The following GPC6 variants were observed in gnomAD, a reference collection of about 807,000 sequenced individuals.
GPC6 encodes the protein glypican 6, also known as glypican-6.
In GPC6, 14 loss-of-function variants were observed where a neutral mutation model predicts 55.2. That is an observed-to-expected ratio of 0.25 (90% CI 0.17 to 0.40). The LOEUF (loss-of-function observed/expected upper bound fraction) is 0.40, where lower values mean the gene tolerates loss of function less well. Among genes scored for constraint, GPC6 ranks in the 10% least tolerant of loss-of-function variants. The pLI, the probability that GPC6 is intolerant of heterozygous loss-of-function variation, is 1.00. For missense variants in GPC6, 641 were observed against 708.5 expected (o/e 0.90, Z 1.08); for synonymous variants, 278 against 259.6 (o/e 1.07, Z -0.68).
intron 2 of GPC6, among the ~76,000 whole-genome samples, chr13:93,693,535 A>G (rs918615812): frequency 1.3e-5 from 2 of 149,988 alleles, no homozygotes; most frequent in Non-Finnish European, 3.0e-5. Flanking sequence ...TTGCCCATGC[A>G]GTGGCATGAT....
intron 4 of GPC6, chr13:94,188,131 T>A (rs893584560): frequency 3.3e-5 from 5 of 152,172 alleles, no homozygotes; most frequent in Admixed American, 1.3e-4. Flanking sequence ...CAGAGAAAAG[T>A]ATGAATATTA....
intron 2 of GPC6, among the ~76,000 whole-genome samples, chr13:93,802,617 T>C (rs180910130): frequency 4.4e-4 from 67 of 152,150 alleles, no homozygotes; most frequent in Non-Finnish European, 8.7e-4. Context: ...ATTGCCCAAG[T>C]TGGTCTTGAA....
At chr13:93,747,068 A>G (rs1355997764) in intron 2 of GPC6, among the ~76,000 whole-genome samples, 1 of 152,228 alleles carries the variant, frequency 6.6e-6, no homozygotes, top group African/African-American at 2.4e-5. Context: ...ACACTGATGA[A>G]GAAGATATTC....
Position 93,902,595 on chromosome 13 carries a change from G to A in GPC6, c.711+72050G>A, listed in dbSNP as rs568429860. On this transcript the variant is annotated intron_variant, in intron 3 of 8. Transcript: ENST00000377047. Reference sequence around the variant, plus strand: ...CAGTAGTGAGATTGCTGGATCATACGGTAATTCTGTTTTTAATTTTTTGAG... The same window carrying A: ...CAGTAGTGAGATTGCTGGATCATACAGTAATTCTGTTTTTAATTTTTTGAG... Among the ~76,000 whole-genome samples, 11 of 152,116 alleles carry A rather than the reference G, an allele frequency of 7.2e-5. No homozygotes were observed. In the South Asian group the frequency reaches 1.7e-3, roughly 23 times the overall value.
chr13:94,272,291 A>G (rs2139065479), intron 4 of GPC6, among the ~76,000 whole-genome samples: 1 of 152,092 alleles, frequency 6.6e-6, no homozygotes, highest in Middle Eastern at 3.4e-3. Context: ...TACTACAGGA[A>G]CAAATGGTCT....
chr13:94,312,275 T>C (rs1381909369), intron 6 of GPC6, among the ~76,000 whole-genome samples: 1 of 152,218 alleles, frequency 6.6e-6, no homozygotes, highest in East Asian at 1.9e-4. Context: ...TTGTTAATAT[T>C]ATTACATACA....
intron 2 of GPC6, among the ~76,000 whole-genome samples, chr13:93,662,058 A>C (rs1234413821): frequency 6.6e-6 from 1 of 152,088 alleles, no homozygotes; most frequent in African/African-American, 2.4e-5. Flanking sequence ...TATTCTCCCT[A>C]CTAGCATGAA....
At chr13:94,284,674 TCA>T (rs1307539143) in intron 4 of GPC6, among the ~76,000 whole-genome samples, 1 of 152,172 alleles carries the variant, frequency 6.6e-6, no homozygotes, top group Non-Finnish European at 1.5e-5. Context: ...TCTAGATGTT[TCA>T]CACACAATTT....
intron 4 of GPC6, among the ~76,000 whole-genome samples, chr13:94,268,536 T>G (rs958086228): frequency 1.2e-4 from 19 of 152,184 alleles, no homozygotes; most frequent in Non-Finnish European, 2.5e-4. Context: ...AAAAATAACC[T>G]TACCTAAGTC....
At chr13:93,449,554 C>T (rs1233574141) in intron 1 of GPC6, among the ~76,000 whole-genome samples, 5 of 152,286 alleles carry the variant, frequency 3.3e-5, no homozygotes, top group South Asian at 2.1e-4. Flanking sequence ...GTAGGCCGGG[C>T]GCGGTGCTCA....
chr13:93,830,463 A>G lies in GPC6; in HGVS notation c.629A>G (p.Gln210Arg), dbSNP rs778727879. The G allele has an allele frequency of 6.8e-6, 11 of 1,613,800 alleles. No homozygotes were observed. Among genetic ancestry groups the G allele is most frequent in the Non-Finnish European group, 9.3e-6 (11 of 1,179,722 alleles). Residue 210 changes from glutamine to arginine, a missense_variant, in exon 3 of 9, where the codon CAG becomes CGG. Physicochemically the swap from Gln to Arg is conservative, Grantham distance 43 (BLOSUM62 1). Transcript: ENST00000377047. Reference protein sequence around the residue: ...FGDVPRKLKIQVTRAFIAART... With the variant: ...FGDVPRKLKIRVTRAFIAART... ...GACGTGCCCCGGAAACTGAAGATTC[A>G]GGTTACCCGCGCCTTCATTGCTGCC...
intron 6 of GPC6, among the ~76,000 whole-genome samples, chr13:94,378,345 G>C (rs550109719): frequency 1.3e-5 from 2 of 151,990 alleles, no homozygotes; most frequent in Non-Finnish European, 2.9e-5. Flanking sequence ...TGAAATATTT[G>C]GAGCAAGATT....
chr13:93,727,654 T>G (rs2138831819), intron 2 of GPC6, among the ~76,000 whole-genome samples: 1 of 152,196 alleles, frequency 6.6e-6, no homozygotes, highest in Admixed American at 6.5e-5. Context: ...CACAAACTGG[T>G]TTGTGCATAG....
intron 2 of GPC6, among the ~76,000 whole-genome samples, chr13:93,633,364 G>A (rs774885833): frequency 6.6e-6 from 1 of 152,052 alleles, no homozygotes; most frequent in Non-Finnish European, 1.5e-5. Context: ...AAATAACTGC[G>A]GCCAGGCGCA....
chr13:93,922,682 T>C (rs548102637), intron 3 of GPC6, among the ~76,000 whole-genome samples: 1 of 152,300 alleles, frequency 6.6e-6, no homozygotes, highest in African/African-American at 2.4e-5. Flanking sequence ...AAGATACATA[T>C]GGCTAAAATG....
chr13:93,522,396 T>G (rs1315665761), intron 1 of GPC6, among the ~76,000 whole-genome samples: 4 of 151,990 alleles, frequency 2.6e-5, no homozygotes, highest in Non-Finnish European at 5.9e-5. Flanking sequence ...TTTTTGTGGT[T>G]TTTTGAATTC....
At chr13:94,014,753 C>G (rs538537709) in intron 3 of GPC6, among the ~76,000 whole-genome samples, 1 of 152,250 alleles carries the variant, frequency 6.6e-6, no homozygotes, top group Admixed American at 6.5e-5. Context: ...ATGGATTTGC[C>G]TATTCTGGAC....
At chr13:93,975,375 A>G (rs1880469459) in intron 3 of GPC6, among the ~76,000 whole-genome samples, 1 of 152,072 alleles carries the variant, frequency 6.6e-6, no homozygotes, top group Non-Finnish European at 1.5e-5. Flanking sequence ...ATTGAAGTGA[A>G]ATTGAGGGGT....
intron 4 of GPC6, among the ~76,000 whole-genome samples, chr13:94,221,281 A>T (rs1890375476): frequency 6.6e-6 from 1 of 152,162 alleles, no homozygotes; most frequent in African/African-American, 2.4e-5. Context: ...TTGATTCCTG[A>T]ATATTTTCCC....
Sources: gnomAD v4.1 joint callset for allele counts (sites outside exome capture counted in the v4.1 genomes callset) on GRCh38, gnomAD v4.1.1 for gene constraint, MANE v1.5 for transcripts, NCBI Gene and HGNC (gene_info 2026-07-23, HGNC 2026-07-21) for gene names.